The following MITF variants were observed in gnomAD, a reference collection of about 807,000 sequenced individuals.
MITF encodes melanocyte inducing transcription factor, also known as microphthalmia-associated transcription factor.
A neutral mutation model predicts 60.5 loss-of-function variants in MITF; 17 were observed. The ratio of observed to expected loss-of-function variants is 0.28; its 90% CI spans 0.19 to 0.42. The LOEUF is 0.42. MITF is among the 10% of genes least tolerant of loss of function. MITF has a pLI of 1.00. For synonymous variants in MITF, 260 were observed against 248.5 expected, an observed-to-expected ratio of 1.05 and a Z score of -0.43; for missense variants, 622 against 683.5, an observed-to-expected ratio of 0.91 and a Z score of 1.00.
chr3:69,884,764 T>A (rs999337003), intron 2 of MITF, among the ~76,000 whole-genome samples: 1 of 152,176 alleles, frequency 6.6e-6, no homozygotes. Context: ...TGGACTTGGT[T>A]TTTCTGTCTG....
chr3:69,876,685 A>G (rs1410155131), intron 1 of MITF, among the ~76,000 whole-genome samples: 1 of 152,168 alleles, frequency 6.6e-6, no homozygotes, highest in Non-Finnish European at 1.5e-5. Context: ...AAATGTAGGA[A>G]AACATGAAGG....
intron 5 of MITF, among the ~76,000 whole-genome samples, chr3:69,943,568 T>C (rs2066021311): frequency 6.6e-6 from 1 of 152,144 alleles, no homozygotes; most frequent in Non-Finnish European, 1.5e-5. Flanking sequence ...AATTATAATA[T>C]CAAATAATAT....
At chr3:69,864,897 G>T (rs1284340509) in intron 1 of MITF, among the ~76,000 whole-genome samples, 1 of 152,034 alleles carries the variant, frequency 6.6e-6, no homozygotes, top group East Asian at 1.9e-4. Context: ...CAGACCAGAA[G>T]TCCCTGCCTA....
intron 2 of MITF, among the ~76,000 whole-genome samples, chr3:69,903,466 G>A (rs1266507964): frequency 6.6e-6 from 1 of 152,112 alleles, no homozygotes; most frequent in East Asian, 1.9e-4. Flanking sequence ...TTGCTGTGGT[G>A]TAGGTAAGAG....
At chr3:69,781,034 G>A (rs2062554836) in intron 1 of MITF, among the ~76,000 whole-genome samples, 1 of 151,764 alleles carries the variant, frequency 6.6e-6, no homozygotes, top group African/African-American at 2.4e-5. Context: ...TAGCATTCAT[G>A]TTACTTTGAA....
intron 2 of MITF, among the ~76,000 whole-genome samples, chr3:69,927,936 G>C (rs1004037152): frequency 6.6e-6 from 1 of 152,168 alleles, no homozygotes; most frequent in Non-Finnish European, 1.5e-5. Context: ...TTTTTTATTA[G>C]AAATTAATGG....
At chr3:69,837,778 C>T (rs937903536) in intron 1 of MITF, among the ~76,000 whole-genome samples, 3 of 152,142 alleles carry the variant, frequency 2.0e-5, no homozygotes, top group African/African-American at 7.2e-5. Flanking sequence ...TGTTTCCCGG[C>T]AGAAATATTA....
At chr3:69,929,717 T>C (rs1559726963) in intron 2 of MITF, among the ~76,000 whole-genome samples, 1 of 152,124 alleles carries the variant, frequency 6.6e-6, no homozygotes, top group African/African-American at 2.4e-5. Context: ...AAGATCCCCC[T>C]ATTCATTGTA....
chr3:69,853,595 C>G lies in MITF; in HGVS notation c.105-25539C>G, dbSNP rs547383311. On this transcript the variant is annotated intron_variant, in intron 1 of 9. Coordinates refer to ENST00000352241, the MANE Select transcript of MITF (RefSeq NM_001354604.2). Reference sequence around the variant, plus strand: ...GAAGCCTCATCTTTGAGGCATTCTCCTCTTTACTCCCTACCTAGTTAACCA... The same window carrying G: ...GAAGCCTCATCTTTGAGGCATTCTCGTCTTTACTCCCTACCTAGTTAACCA... Among the ~76,000 whole-genome samples the G allele has an allele frequency of 3.3e-5, 5 of 152,228 alleles. 1 individual carries two copies. In the South Asian group the frequency reaches 1.0e-3, roughly 32 times the overall value.
At chr3:69,935,722 C>T (rs1209452523) in intron 2 of MITF, among the ~76,000 whole-genome samples, 1 of 152,100 alleles carries the variant, frequency 6.6e-6, no homozygotes, top group Non-Finnish European at 1.5e-5. Context: ...TTGCTTGCCT[C>T]TTTTCTTTTT....
intron 1 of MITF, among the ~76,000 whole-genome samples, chr3:69,778,120 G>A (rs1244507468): frequency 1.3e-5 from 2 of 152,074 alleles, no homozygotes; most frequent in Non-Finnish European, 2.9e-5. Flanking sequence ...TGGGTGATTC[G>A]TTGGACTTAA....
intron 6 of MITF, among the ~76,000 whole-genome samples, chr3:69,950,477 T>TATAC (rs1491327866): frequency 7.8e-6 from 1 of 128,658 alleles, no homozygotes; most frequent in African/African-American, 2.9e-5. Flanking sequence ...TATATATATA[T>TATAC]GCACACACAT....
At chr3:69,804,335 A>T (rs1302836013) in intron 1 of MITF, among the ~76,000 whole-genome samples, 8 of 107,110 alleles carry the variant, frequency 7.5e-5, no homozygotes, top group Admixed American at 4.7e-4. Flanking sequence ...TTTCCCCTTT[A>T]CTCCCTCTCT....
At chr3:69,917,402 T>C (rs968948437) in intron 2 of MITF, among the ~76,000 whole-genome samples, 2 of 131,338 alleles carry the variant, frequency 1.5e-5, no homozygotes, top group Non-Finnish European at 3.2e-5. Flanking sequence ...TTTTTTGACA[T>C]CTTTAGCCCT....
intron 1 of MITF, among the ~76,000 whole-genome samples, chr3:69,863,228 G>A (rs1239292210): frequency 6.6e-6 from 1 of 152,184 alleles, no homozygotes; most frequent in Non-Finnish European, 1.5e-5. Context: ...TTTGGGTGAT[G>A]ACTTGAGGAG....
intron 1 of MITF, among the ~76,000 whole-genome samples, chr3:69,771,785 T>C (rs1448596615): frequency 6.6e-6 from 1 of 152,152 alleles, no homozygotes; most frequent in Non-Finnish European, 1.5e-5. Context: ...AGCAAATGAA[T>C]TAAAATGTGA....
chr3:69,938,415 G>A, intron 3 of MITF: 1 of 1,550,378 alleles, frequency 6.5e-7, no homozygotes, highest in Non-Finnish European at 8.7e-7. Flanking sequence ...AGCAAAAATA[G>A]AAGAGGTGTG....
chr3:69,785,083 G>T (rs529547909), intron 1 of MITF, among the ~76,000 whole-genome samples: 2 of 147,850 alleles, frequency 1.4e-5, no homozygotes, highest in East Asian at 4.0e-4. Flanking sequence ...TTTCTGCTGT[G>T]TCTTCCACGA....
At position 69,941,296 on chromosome 3, in the gene MITF, G is replaced by A. The variant is rs2065963388; in HGVS notation, c.727G>A (p.Gly243Ser). The A allele has an allele frequency of 6.2e-7, 1 of 1,613,118 alleles. No individual in the cohort carries two copies. The highest frequency in any genetic ancestry group is 1.3e-5 in the African/African-American group (1 of 74,958). ...LESSYNEEIL[G>S]LMDPALQMAN... ...ATCAAGTTATAATGAGGAAATCTTG[G>A]GCTTGATGGATCCTGCTTTGCAAAT... Residue 243 changes from glycine to serine, a missense_variant, in exon 5 of 10, where the codon GGC (glycine) becomes AGC (serine). This residue lies in a region of MITF where 215 missense variants were observed against 224.8 expected (regional missense o/e 0.96). Transcript: ENST00000352241.
Sources: allele counts gnomAD v4.1 joint callset (sites outside exome capture counted in the v4.1 genomes callset), GRCh38; gene constraint gnomAD v4.1.1; regional missense constraint gnomAD v4.1.1; transcripts MANE v1.5; gene names NCBI Gene and HGNC (gene_info 2026-07-23, HGNC 2026-07-21).